CEMIP: variants seen among roughly 807,000 people sequenced by gnomAD.
CEMIP encodes cell migration-inducing and hyaluronan-binding protein.
In CEMIP, 105 loss-of-function variants were observed where a neutral mutation model predicts 156.9. The ratio of observed to expected loss-of-function variants is 0.67; its 90% CI spans 0.57 to 0.79. CEMIP has a LOEUF of 0.79. Among genes scored for constraint, CEMIP ranks in the 30% least tolerant of loss-of-function variants. CEMIP has a pLI of 0.00. For missense variants in CEMIP, 1,457 were observed against 1,769.4 expected (o/e 0.82, Z 3.17); for synonymous variants, 676 against 668.4 (o/e 1.01, Z -0.17).
intron 1 of CEMIP, among the ~76,000 whole-genome samples, chr15:80,845,999 A>G (rs548588064): frequency 6.6e-6 from 1 of 152,246 alleles, no homozygotes; most frequent in South Asian, 2.1e-4. Context: ...CCTCTGCTAC[A>G]TACACTCCCA....
At chr15:80,875,273 G>A (rs1320965910) in intron 3 of CEMIP, among the ~76,000 whole-genome samples, 1 of 152,016 alleles carries the variant, frequency 6.6e-6, no homozygotes, top group African/African-American at 2.4e-5. Context: ...AGGCTCAAGG[G>A]ATCCTTCAGC....
intron 12 of CEMIP, among the ~76,000 whole-genome samples, chr15:80,899,103 C>A (rs1899352886): frequency 1.3e-5 from 2 of 151,834 alleles, no homozygotes; most frequent in South Asian, 2.1e-4. Context: ...ATCCCAGCTA[C>A]TCAGGAGGCT....
At position 80,906,795 on chromosome 15, in the gene CEMIP, T is replaced by A; in HGVS notation, c.1544T>A (p.Ile515Asn). 1 of 1,614,154 alleles carries A rather than the reference T, an allele frequency of 6.2e-7. No individual in the cohort carries two copies. The highest frequency in any genetic ancestry group is 8.5e-7 in the Non-Finnish European group (1 of 1,180,016). ...EDKCYPYRNH[I>N]CNFFDFDTFG... is the part of the protein sequence containing the mutation. ...AAATGCTACCCCTACAGAAACCACA[T>A]CTGCAATTTCTTTGACTTCGATACC... is the stretch of plus-strand genomic sequence containing the variant. The change falls in exon 13 of 30, where the codon ATC (isoleucine) becomes AAC (asparagine). Residue 515 changes from isoleucine to asparagine, a missense_variant. This residue lies in a region of CEMIP where 280 missense variants were observed against 300.3 expected (regional missense o/e 0.93). Transcript: ENST00000394685. The surrounding 1 kb of genome is among the most constrained non-coding windows in gnomAD (Gnocchi z 4.3).
intron 1 of CEMIP, among the ~76,000 whole-genome samples, chr15:80,845,642 A>T (rs73501049): frequency 0.034 from 5,156 of 152,100 alleles, 289 homozygotes; most frequent in African/African-American, 0.12. Flanking sequence ...GGGAAAACAG[A>T]CAGTTCTATG....
intron 29 of CEMIP, chr15:80,948,226 C>T (rs555597109): frequency 2.7e-4 from 48 of 177,376 alleles, no homozygotes; most frequent in Middle Eastern, 2.8e-3. Flanking sequence ...CCATGCCCCT[C>T]GGATGCTCAA....
At chr15:80,937,693 C>A in intron 24 of CEMIP, 101 bp from the exon 25 acceptor site, 1 of 1,058,246 alleles carries the variant, frequency 9.4e-7, no homozygotes, top group Non-Finnish European at 1.5e-6. Context: ...GTGGAGGTGT[C>A]ATTTGGTGGA....
intron 10 of CEMIP, among the ~76,000 whole-genome samples, chr15:80,894,441 T>G (rs1282605236): frequency 6.6e-6 from 1 of 152,130 alleles, no homozygotes; most frequent in Non-Finnish European, 1.5e-5. Context: ...ACATCTAGCT[T>G]TAGTGGTTCT....
chr15:80,905,139 C>G (rs1450951617), intron 12 of CEMIP, among the ~76,000 whole-genome samples: 1 of 152,152 alleles, frequency 6.6e-6, no homozygotes, highest in Admixed American at 6.5e-5. Context: ...TTACTCAGGG[C>G]TAATTATAAC....
At chr15:80,780,464 C>T (rs2076367337) in intron 1 of CEMIP, among the ~76,000 whole-genome samples, 2 of 152,202 alleles carry the variant, frequency 1.3e-5, no homozygotes, top group Admixed American at 1.3e-4. Context: ...GCGCTGTGCG[C>T]CCTGGGTCCT....
At chr15:80,861,790 C>T (rs368562071) in intron 1 of CEMIP, among the ~76,000 whole-genome samples, 3 of 152,360 alleles carry the variant, frequency 2.0e-5, no homozygotes, top group South Asian at 4.1e-4. Flanking sequence ...TTTATTGCTA[C>T]AATCACTTAC....
At chr15:80,874,989 C>A (rs1057399008) in intron 3 of CEMIP, among the ~76,000 whole-genome samples, 1 of 111,796 alleles carries the variant, frequency 8.9e-6, no homozygotes, top group Non-Finnish European at 1.9e-5. Context: ...TTTGAAGAAT[C>A]TTTCTGATCC....
At chr15:80,860,096 C>T (rs1166196621) in intron 1 of CEMIP, among the ~76,000 whole-genome samples, 6 of 152,156 alleles carry the variant, frequency 3.9e-5, no homozygotes, top group East Asian at 3.9e-4. Flanking sequence ...TTGTTGGCTC[C>T]GCCTGCTTTC....
intron 7 of CEMIP, 52 bp from the exon 8 acceptor site, chr15:80,887,642 G>A: frequency 7.1e-7 from 1 of 1,417,424 alleles, no homozygotes; most frequent in East Asian, 2.3e-5. Flanking sequence ...ACTCTGTGCA[G>A]GTACAGACTC....
In CEMIP at chr15:80,932,832, ATGTG is replaced by A. The variant is rs1249211879; in HGVS notation, c.2794-405_2794-402del. On this transcript the variant is annotated intron_variant, in intron 22 of 29. Transcript: ENST00000394685. This position sits in a 1 kb window ranked among gnomAD's most constrained non-coding sequence, Gnocchi z 4.5. Reference sequence around the variant, plus strand: ...CTCTCGCACACGGATGCCCCCGTGTATGTGTGTGTGTATGTGTAAAAGTGTGTGT... The same window carrying A: ...CTCTCGCACACGGATGCCCCCGTGTATGTGTGTATGTGTAAAAGTGTGTGT... Among the ~76,000 whole-genome samples, 11 of 152,106 alleles carry A rather than the reference ATGTG, an allele frequency of 7.2e-5. No individual in the cohort carries two copies. The highest frequency in any genetic ancestry group is 1.9e-4 in the East Asian group (1 of 5,184).
At position 80,880,931 on chromosome 15, in the gene CEMIP, T is replaced by C. The variant is rs1412243989; in HGVS notation, c.412T>C (p.Tyr138His). The C allele has an allele frequency of 1.9e-6, 3 of 1,614,104 alleles. No homozygotes were observed. Among genetic ancestry groups the C allele is most frequent in the African/African-American group, 2.7e-5 (2 of 74,946 alleles). The change falls in exon 6 of 30, where the codon TAT (tyrosine) becomes CAT (histidine). Residue 138 changes from tyrosine to histidine, a missense_variant. Coordinates refer to ENST00000394685, the MANE Select transcript of CEMIP (RefSeq NM_001293298.2). ...ADEGIQPDPY[Y>H]GLKYIGVGKG... Reference sequence around the variant, plus strand: ...TGAAGGTATTCAGCCGGATCCTTACTATGGTCTGAAGTACATTGGGGTTGG... The same window carrying C: ...TGAAGGTATTCAGCCGGATCCTTACCATGGTCTGAAGTACATTGGGGTTGG...
chr15:80,931,913 C>T lies in CEMIP; in HGVS notation c.2667C>T (p.Asn889=), dbSNP rs767583812. 4.3e-6 allele frequency: 7 copies of T among 1,614,250 alleles called. 1 individual carries two copies. The South Asian group carries it at 6.6e-5, about 15-fold the overall frequency. The change falls in exon 22 of 30, where the codon AAC becomes AAT. Residue 889 remains asparagine, a synonymous_variant. Coordinates refer to ENST00000394685, the MANE Select transcript of CEMIP (RefSeq NM_001293298.2). ...QLYDGPINIQ[N]CTFRKFVALE... is the part of the protein sequence containing the mutation. ...ATGATGGCCCCATCAACATCCAAAA[C>T]TGCACTTTCCGAAAGTTTGTGGCCC...
chr15:80,889,034 G>A (rs1898945525), intron 9 of CEMIP, among the ~76,000 whole-genome samples: 1 of 152,152 alleles, frequency 6.6e-6, no homozygotes, highest in African/African-American at 2.4e-5. Context: ...CAGGGTCTGC[G>A]GCATTCAGCT....
intron 1 of CEMIP, among the ~76,000 whole-genome samples, chr15:80,823,398 G>C (rs1896954752): frequency 6.6e-6 from 1 of 152,178 alleles, no homozygotes; most frequent in Admixed American, 6.5e-5. Context: ...AATCTGCCCT[G>C]GCATTCCAGG....
intron 26 of CEMIP, 40 bp from the exon 27 acceptor site, chr15:80,942,211 C>CTAA: frequency 1.3e-6 from 2 of 1,575,650 alleles, no homozygotes; most frequent in Non-Finnish European, 1.7e-6. Flanking sequence ...GAATGACTAC[C>CTAA]CAAACCTAAC....
Sources: gnomAD v4.1 joint callset for allele counts (sites outside exome capture counted in the v4.1 genomes callset) on GRCh38, gnomAD v4.1.1 for gene constraint, gnomAD v4.1.1 regional missense constraint, Gnocchi (gnomAD v3.1) non-coding constraint, MANE v1.5 for transcripts, NCBI Gene and HGNC (gene_info 2026-07-23, HGNC 2026-07-21) for gene names.